Variants in ANKRD44 observed in about 807,000 individuals in gnomAD.
The protein encoded by ANKRD44 is serine/threonine-protein phosphatase 6 regulatory ankyrin repeat subunit B.
A neutral mutation model predicts 116.0 loss-of-function variants in ANKRD44; 35 were observed. The ratio of observed to expected loss-of-function variants is 0.30; its 90% confidence interval spans 0.23 to 0.40. ANKRD44 has a LOEUF of 0.40. ANKRD44 is among the 10% of genes least tolerant of loss of function. The pLI is 1.00. For missense variants in ANKRD44, 1,014 were observed against 1,242.6 expected, an observed-to-expected ratio of 0.82 and a Z score of 2.77; for synonymous variants, 435 against 461.8, an observed-to-expected ratio of 0.94 and a Z score of 0.74.
At chr2:197,175,822 T>G (rs2080352011) in intron 2 of ANKRD44, among the ~76,000 whole-genome samples, 1 of 152,230 alleles carries the variant, frequency 6.6e-6, no homozygotes, top group Non-Finnish European at 1.5e-5. Context: ...TACATATTTC[T>G]GTACTCAGAG....
intron 8 of ANKRD44, among the ~76,000 whole-genome samples, chr2:197,112,203 A>G (rs1329205240): frequency 3.3e-5 from 5 of 152,232 alleles, no homozygotes; most frequent in Middle Eastern, 3.2e-3. Context: ...ACTTATTTTT[A>G]TAAGTCTCAG....
chr2:197,065,054 T>C (rs1164847356), intron 16 of ANKRD44, among the ~76,000 whole-genome samples: 1 of 152,194 alleles, frequency 6.6e-6, no homozygotes, highest in Non-Finnish European at 1.5e-5. Flanking sequence ...TAGTTGGAAG[T>C]AAAGCACTCC....
chr2:197,174,316 T>C (rs185979516), intron 2 of ANKRD44, among the ~76,000 whole-genome samples: 1 of 152,262 alleles, frequency 6.6e-6, no homozygotes, highest in Admixed American at 6.5e-5. Flanking sequence ...GAGCCATGAT[T>C]AAAAAGCTGT....
intron 21 of ANKRD44, among the ~76,000 whole-genome samples, chr2:196,976,695 A>G (rs1394520092): frequency 6.6e-6 from 1 of 152,044 alleles, no homozygotes; most frequent in Non-Finnish European, 1.5e-5. Flanking sequence ...ACAAAACCCT[A>G]TCGCCACAAA....
chr2:197,220,743 A>C (rs1024165981), intron 1 of ANKRD44, among the ~76,000 whole-genome samples: 2 of 152,214 alleles, frequency 1.3e-5, no homozygotes, highest in African/African-American at 4.8e-5. Flanking sequence ...GCTGACTTTA[A>C]ATCAGCATTA....
chr2:197,017,028 T>G (rs1413637869), intron 17 of ANKRD44, among the ~76,000 whole-genome samples: 1 of 152,104 alleles, frequency 6.6e-6, no homozygotes, highest in Non-Finnish European at 1.5e-5. Flanking sequence ...AAGTAAAATT[T>G]TAAAGTATGA....
In ANKRD44 at chr2:197,103,058, T is replaced by A. The variant is rs534535385; in HGVS notation, c.986-3128A>T. On this transcript the variant is annotated intron_variant, in intron 9 of 27. Coordinates refer to ENST00000282272, the MANE Select transcript of ANKRD44 (RefSeq NM_001195144.2). ...TCCTGGCAAACACGGTGAAACCCCATCTCTACCAAAAACACAAAAAATTAG... is the reference window on the plus strand; with the variant it reads ...TCCTGGCAAACACGGTGAAACCCCAACTCTACCAAAAACACAAAAAATTAG... Among the ~76,000 whole-genome samples the A allele has an allele frequency of 1.4e-4, 21 of 152,000 alleles. No individual in the cohort carries two copies. In the East Asian group the frequency reaches 3.9e-3, roughly 28 times the overall value.
chr2:197,074,408 T>TA (rs397777398), intron 16 of ANKRD44, among the ~76,000 whole-genome samples: 2 of 151,776 alleles, frequency 1.3e-5, no homozygotes, highest in African/African-American at 4.8e-5. Context: ...TTTCCTTTTT[T>TA]AAATGCTTTT....
intron 1 of ANKRD44, among the ~76,000 whole-genome samples, chr2:197,273,962 A>C (rs1316012472): frequency 5.1e-4 from 4 of 7,908 alleles, no homozygotes; most frequent in Non-Finnish European, 7.7e-4. Flanking sequence ...ACCAACCACA[A>C]AAAAAAAAAA....
chr2:197,036,343 C>T (rs1310350548), intron 16 of ANKRD44, among the ~76,000 whole-genome samples: 1 of 152,140 alleles, frequency 6.6e-6, no homozygotes, highest in Non-Finnish European at 1.5e-5. Context: ...ACTGCAACCT[C>T]CACCTCCCAG....
At chr2:197,182,437 T>C (rs2080532163) in intron 2 of ANKRD44, among the ~76,000 whole-genome samples, 1 of 152,250 alleles carries the variant, frequency 6.6e-6, no homozygotes, top group Non-Finnish European at 1.5e-5. Context: ...ATGCTTCCTC[T>C]ATTCAACAAT....
At chr2:197,044,334 A>T (rs1450054632) in intron 16 of ANKRD44, among the ~76,000 whole-genome samples, 1 of 152,166 alleles carries the variant, frequency 6.6e-6, no homozygotes, top group Admixed American at 6.5e-5. Context: ...TGCTTTCCTC[A>T]GAAGGGTGCC....
intron 2 of ANKRD44, among the ~76,000 whole-genome samples, chr2:197,184,032 A>C (rs2080584799): frequency 6.6e-6 from 1 of 152,188 alleles, no homozygotes; most frequent in Non-Finnish European, 1.5e-5. Flanking sequence ...CTATGTTGTA[A>C]GCTCTATCAT....
chr2:197,278,380 A>G (rs1355616014), intron 1 of ANKRD44, among the ~76,000 whole-genome samples: 1 of 151,984 alleles, frequency 6.6e-6, no homozygotes, highest in Non-Finnish European at 1.5e-5. Context: ...TTGTTTTGAC[A>G]GAGTCTTGCT....
intron 1 of ANKRD44, chr2:197,198,041 G>A (rs1274841921): frequency 6.6e-6 from 1 of 152,242 alleles, no homozygotes; most frequent in Non-Finnish European, 1.5e-5. Flanking sequence ...CCTCTGAAAT[G>A]AATATTGAAG....
chr2:197,039,069 T>C (rs1559011676), intron 16 of ANKRD44, among the ~76,000 whole-genome samples: 1 of 152,170 alleles, frequency 6.6e-6, no homozygotes, highest in Non-Finnish European at 1.5e-5. Context: ...AATAAAAATA[T>C]AAAATTACTC....
intron 16 of ANKRD44, among the ~76,000 whole-genome samples, chr2:197,028,289 C>T (rs1244275443): frequency 1.3e-5 from 2 of 152,072 alleles, no homozygotes; most frequent in Admixed American, 1.3e-4. Context: ...GTGGTGTGAA[C>T]ATAGCTCACT....
intron 16 of ANKRD44, among the ~76,000 whole-genome samples, chr2:197,057,488 T>A (rs10931770): frequency 0.62 from 94,020 of 152,106 alleles, 31,871 homozygotes; most frequent in East Asian, 0.85. Context: ...AATTTTTTTT[T>A]AAATTAAGAG....
At chr2:196,976,721 G>C (rs1196764752) in intron 21 of ANKRD44, among the ~76,000 whole-genome samples, 2 of 152,058 alleles carry the variant, frequency 1.3e-5, no homozygotes, top group African/African-American at 4.8e-5. Flanking sequence ...ACAAAAATTA[G>C]CAGGGCGTGG....
Sources: allele counts gnomAD v4.1 joint callset (sites outside exome capture counted in the v4.1 genomes callset), GRCh38; gene constraint gnomAD v4.1.1; transcripts MANE v1.5; gene names NCBI Gene and HGNC (gene_info 2026-07-23, HGNC 2026-07-21).